The following RAI14 variants were observed in gnomAD, a reference collection of about 807,000 sequenced individuals.
RAI14 encodes the protein ankycorbin.
In RAI14, 45 loss-of-function variants were observed where a neutral mutation model predicts 115.4. That is an observed-to-expected ratio of 0.39 (90% CI 0.31 to 0.50). The LOEUF (loss-of-function observed/expected upper bound fraction) is 0.50, where lower values mean the gene tolerates loss of function less well. Ranked by LOEUF, RAI14 falls within the 20% of genes least tolerant of loss-of-function variation. The probability of loss-of-function intolerance (pLI) is 0.85; values close to 1 mark genes in which losing one functional copy is unlikely to be tolerated. For missense variants in RAI14, 939 were observed against 1,131.2 expected, an observed-to-expected ratio of 0.83 and a Z score of 2.44; for synonymous variants, 371 against 415.4, an observed-to-expected ratio of 0.89 and a Z score of 1.30.
chr5:34,826,368 G>T lies in RAI14; in HGVS notation c.2688G>T (p.Glu896Asp). 6.2e-7 allele frequency: 1 copy of T among 1,613,944 alleles called. No homozygotes were observed. Among genetic ancestry groups the T allele is most frequent in the Non-Finnish European group, 8.5e-7 (1 of 1,179,928 alleles). ...EMSKEVTKLKEALNSLSQLSY... is the reference protein window; with the variant it reads ...EMSKEVTKLKDALNSLSQLSY... ...CGAAGGAAGTCACCAAATTGAAGGA[G>T]GCCTTGAACAGCCTCTCCCAGCTCT... is the stretch of plus-strand genomic sequence containing the variant. The change falls in exon 16 of 18, where the codon GAG becomes GAT. Residue 896 changes from glutamate (E) to aspartate (D), a missense_variant. Transcript: ENST00000265109.
intron 3 of RAI14, among the ~76,000 whole-genome samples, chr5:34,771,270 C>T (rs1440666399): frequency 6.6e-6 from 1 of 152,050 alleles, no homozygotes; most frequent in African/African-American, 2.4e-5. Flanking sequence ...CTGGTAGGGT[C>T]GTGTATGGTC....
chr5:34,758,582 T>C (rs1230574325), intron 3 of RAI14, among the ~76,000 whole-genome samples: 1 of 152,186 alleles, frequency 6.6e-6, no homozygotes, highest in Non-Finnish European at 1.5e-5. Flanking sequence ...TCTGGGAATC[T>C]GTTTAGACCT....
chr5:34,752,743 G>GTATATATATA (rs1470753966), intron 2 of RAI14, among the ~76,000 whole-genome samples: 19 of 100,896 alleles, frequency 1.9e-4, no homozygotes, highest in African/African-American at 6.4e-4. Flanking sequence ...GTGTGTGTGT[G>GTATATATATA]TGTGTGTATA....
At chr5:34,669,240 A>C (rs1305836693) in intron 1 of RAI14, among the ~76,000 whole-genome samples, 1 of 152,174 alleles carries the variant, frequency 6.6e-6, no homozygotes, top group East Asian at 1.9e-4. Flanking sequence ...TTTCTTCTAC[A>C]GTCTCTAAAA....
At position 34,814,663 on chromosome 5, in the gene RAI14, C is replaced by G. The variant is rs1755989234; in HGVS notation, c.933C>G (p.Pro311=). 2 of 1,604,366 alleles carry G rather than the reference C, an allele frequency of 1.2e-6. No homozygotes were observed. Among genetic ancestry groups the G allele is most frequent in the East Asian group, 4.5e-5 (2 of 44,762 alleles). ...AATCGGTATTTTTTGCTGAACCACC[C>G]TTCAAGGTATTTCCTTTCTGTATTC... is the stretch of plus-strand genomic sequence containing the variant. ...GKESVFFAEP[P]FKAEISSIRE... Residue 311 remains proline (P), a synonymous_variant, in exon 12 of 18, where the codon CCC becomes CCG. Coordinates refer to ENST00000265109, the MANE Select transcript of RAI14 (RefSeq NM_015577.3).
chr5:34,687,596 A>AT (rs1183364462), intron 2 of RAI14: 3 of 1,515,754 alleles, frequency 2.0e-6, no homozygotes, highest in Non-Finnish European at 2.7e-6. Context: ...ACACGATAAT[A>AT]TTTTTTTAAA....
intron 12 of RAI14, among the ~76,000 whole-genome samples, chr5:34,818,250 G>C (rs931106038): frequency 5.9e-5 from 9 of 152,144 alleles, no homozygotes; most frequent in Admixed American, 3.3e-4. Flanking sequence ...CAAAGCATTA[G>C]AGAAAATCTT....
intron 2 of RAI14, chr5:34,688,447 A>G (rs1738143993): frequency 2.2e-6 from 1 of 460,836 alleles, no homozygotes; most frequent in South Asian, 5.2e-5. Context: ...TGATAGGCAC[A>G]TAAACTTTTG....
chr5:34,757,545 G>C lies in RAI14; in HGVS notation c.114G>C (p.Leu38=). ...GAGATGCGGAGAAGGTGGCCTCACT[G>C]CTCGGCAAGAAGGGGGCCAGTGCCA... ...ENGDAEKVAS[L]LGKKGASATK... The change falls in exon 3 of 18, where the codon CTG becomes CTC. Residue 38 remains leucine (L), a synonymous_variant. Transcript: ENST00000265109. 1 of 1,613,916 alleles carries C rather than the reference G, an allele frequency of 6.2e-7. No individual in the cohort carries two copies. Among genetic ancestry groups the C allele is most frequent in the East Asian group, 2.2e-5 (1 of 44,874 alleles).
intron 4 of RAI14, among the ~76,000 whole-genome samples, chr5:34,800,043 T>C (rs1754077508): frequency 6.6e-6 from 1 of 152,216 alleles, no homozygotes; most frequent in African/African-American, 2.4e-5. Context: ...AGAATTTTTA[T>C]GGATGCTTTA....
intron 4 of RAI14, among the ~76,000 whole-genome samples, chr5:34,800,240 G>A (rs1221381813): frequency 6.6e-6 from 1 of 152,188 alleles, no homozygotes; most frequent in Non-Finnish European, 1.5e-5. Context: ...CCTGTGGCCA[G>A]AGCAGTTGGG....
At chr5:34,718,112 C>T (rs900907031) in intron 2 of RAI14, among the ~76,000 whole-genome samples, 3 of 152,106 alleles carry the variant, frequency 2.0e-5, no homozygotes, top group Admixed American at 6.5e-5. Context: ...TTCCTCAGGA[C>T]GGAATGCTGG....
At chr5:34,705,737 TC>T (rs1178911777) in intron 2 of RAI14, among the ~76,000 whole-genome samples, 4 of 152,156 alleles carry the variant, frequency 2.6e-5, no homozygotes, top group Admixed American at 2.6e-4. Context: ...AACCTCCGCC[TC>T]CTGGGTTCAA....
chr5:34,674,435 C>A (rs1051141307), intron 1 of RAI14, among the ~76,000 whole-genome samples: 1 of 152,082 alleles, frequency 6.6e-6, no homozygotes, highest in Non-Finnish European at 1.5e-5. Context: ...TGTAGTAAGC[C>A]AACTTCTGGC....
At chr5:34,793,223 G>A (rs912780531) in intron 3 of RAI14, among the ~76,000 whole-genome samples, 3 of 152,146 alleles carry the variant, frequency 2.0e-5, no homozygotes. Context: ...TTGATCGTGG[G>A]CCTTCCAAGT....
At chr5:34,690,537 T>G (rs1465895160) in intron 2 of RAI14, among the ~76,000 whole-genome samples, 2 of 152,208 alleles carry the variant, frequency 1.3e-5, no homozygotes, top group Non-Finnish European at 2.9e-5. Flanking sequence ...TGGATGGCCT[T>G]CAGGTCACTC....
chr5:34,740,525 C>T (rs1222304052), intron 2 of RAI14, among the ~76,000 whole-genome samples: 1 of 152,186 alleles, frequency 6.6e-6, no homozygotes, highest in African/African-American at 2.4e-5. Flanking sequence ...TTCCAAAGTT[C>T]TCCATATCTG....
intron 3 of RAI14, among the ~76,000 whole-genome samples, chr5:34,794,113 G>C (rs336459): frequency 0.23 from 35,463 of 152,080 alleles, 5,202 homozygotes; most frequent in African/African-American, 0.42. Context: ...TATATTGAAT[G>C]AGGAATTCCA....
intron 12 of RAI14, among the ~76,000 whole-genome samples, chr5:34,817,369 C>G (rs1336135848): frequency 1.3e-5 from 2 of 151,288 alleles, no homozygotes; most frequent in Non-Finnish European, 2.9e-5. Context: ...TGTTGCAGAA[C>G]TAGAACTCCA....
Sources: allele counts gnomAD v4.1 joint callset (sites outside exome capture counted in the v4.1 genomes callset), GRCh38; gene constraint gnomAD v4.1.1; transcripts MANE v1.5; gene names NCBI Gene and HGNC (gene_info 2026-07-23, HGNC 2026-07-21).